Variants in PCDH11X observed in about 807,000 individuals in gnomAD.
PCDH11X encodes the protein protocadherin-11 X-linked.
Under a neutral mutation model 53.3 loss-of-function variants are expected in PCDH11X, and 18 were observed. The observed-to-expected ratio is 0.34, with a 90% confidence interval of 0.23 to 0.50. PCDH11X has a LOEUF of 0.50. PCDH11X is among the 20% of genes least tolerant of loss of function. The probability of loss-of-function intolerance (pLI) is 0.98; values close to 1 mark genes in which losing one functional copy is unlikely to be tolerated. For synonymous variants in PCDH11X, 279 were observed against 393.3 expected (o/e 0.71, Z 3.44); for missense variants, 570 against 1,032.4 (o/e 0.55, Z 6.14).
At chrX:92,581,443 T>C (rs1339629825) in intron 10 of PCDH11X, among the ~76,000 whole-genome samples, 1 of 111,626 alleles carries the variant, frequency 9.0e-6, no homozygotes, top group African/African-American at 3.3e-5. Flanking sequence ...CGAGATCTGA[T>C]GGTTTTATAA....
At chrX:92,054,396 A>C (rs1010032070) in intron 6 of PCDH11X, among the ~76,000 whole-genome samples, 1 of 111,874 alleles carries the variant, frequency 8.9e-6, no homozygotes, top group Admixed American at 9.6e-5. Flanking sequence ...CCAACAAGAT[A>C]TTTTATGTGA....
At chrX:92,103,315 G>C (rs1602928429) in intron 6 of PCDH11X, among the ~76,000 whole-genome samples, 1 of 111,006 alleles carries the variant, frequency 9.0e-6, no homozygotes, top group East Asian at 2.9e-4. Flanking sequence ...AAGAGGTTTA[G>C]AAGCCTGGCT....
At chrX:92,519,021 G>A (rs1461875787) in intron 10 of PCDH11X, among the ~76,000 whole-genome samples, 1 of 109,479 alleles carries the variant, frequency 9.1e-6, no homozygotes, top group African/African-American at 3.3e-5. Context: ...CCTCCCAAAG[G>A]GCTGGAAAAA....
intron 6 of PCDH11X, among the ~76,000 whole-genome samples, chrX:92,009,700 C>CTTTTTTTTTTTTTTTTTT (rs68159170): frequency 3.0e-5 from 2 of 66,642 alleles, no homozygotes; most frequent in African/African-American, 1.1e-4. Flanking sequence ...TGACTGTTGC[C>CTTTTTTTTTTTTTTTTTT]TTTTTTTTTT....
At chrX:91,843,261 TTATGTG>T (rs1937554563) in intron 5 of PCDH11X, among the ~76,000 whole-genome samples, 1 of 57,412 alleles carries the variant, frequency 1.7e-5, no homozygotes, top group Non-Finnish European at 3.2e-5. Flanking sequence ...ACATACATAC[TTATGTG>T]TGTGTGTGTG....
In PCDH11X at chrX:92,254,897, G is replaced by A. The variant is rs1356011361; in HGVS notation, c.3115-8217G>A. 1.9e-4 allele frequency among the ~76,000 whole-genome samples: 20 copies of A among 103,690 alleles called. No homozygotes were observed. In the East Asian group the frequency reaches 5.1e-3, roughly 26 times the overall value. The allele number at this position is 103,690 out of a possible 115,157, so 90.0% of individuals were successfully genotyped here. On this transcript the variant is annotated intron_variant, in intron 7 of 10. Transcript: ENST00000682573. ...CATTTTTTCCTTCATTTCAACTTTG[G>A]TGAATCTGACAATTATGTGTCTTGG...
At chrX:92,246,835 G>C (rs781447292) in intron 7 of PCDH11X, among the ~76,000 whole-genome samples, 1 of 111,868 alleles carries the variant, frequency 8.9e-6, no homozygotes, top group South Asian at 3.7e-4. Context: ...CTTAAAAATA[G>C]TTGATGTCAA....
At chrX:92,577,413 A>G (rs755829589) in intron 10 of PCDH11X, among the ~76,000 whole-genome samples, 2 of 109,781 alleles carry the variant, frequency 1.8e-5, no homozygotes, top group East Asian at 5.7e-4. Context: ...ATTTCTGAAT[A>G]TGTTCATTTG....
At chrX:92,108,374 A>G (rs2064431515) in intron 6 of PCDH11X, among the ~76,000 whole-genome samples, 1 of 112,179 alleles carries the variant, frequency 8.9e-6, no homozygotes, top group African/African-American at 3.2e-5. Context: ...ACTGTACTTC[A>G]AATCAGCGTG....
chrX:92,275,174 G>A (rs1207695336), intron 8 of PCDH11X, among the ~76,000 whole-genome samples: 1 of 103,325 alleles, frequency 9.7e-6, no homozygotes, highest in Non-Finnish European at 2.0e-5. Flanking sequence ...CTGAGGGCTA[G>A]GCTAAAACAG....
chrX:92,611,201 A>AT (rs1927340325), intron 10 of PCDH11X, among the ~76,000 whole-genome samples: 1 of 109,664 alleles, frequency 9.1e-6, no homozygotes, highest in Admixed American at 9.8e-5. Flanking sequence ...TAGTATGGCC[A>AT]TTTTTATATT....
chrX:92,575,944 T>TATAC (rs1363794960), intron 10 of PCDH11X, among the ~76,000 whole-genome samples: 3 of 19,904 alleles, frequency 1.5e-4, no homozygotes, highest in Non-Finnish European at 2.5e-4. Flanking sequence ...TATATATATA[T>TATAC]ACACACACAC....
At chrX:92,218,479 C>G (rs2066774975) in intron 7 of PCDH11X, among the ~76,000 whole-genome samples, 1 of 110,926 alleles carries the variant, frequency 9.0e-6, no homozygotes, top group Admixed American at 9.6e-5. Context: ...TACATACACC[C>G]TCCCAAGACT....
At chrX:91,900,202 C>A (rs1180857987) in intron 6 of PCDH11X, among the ~76,000 whole-genome samples, 2 of 110,839 alleles carry the variant, frequency 1.8e-5, no homozygotes, top group Non-Finnish European at 3.8e-5. Flanking sequence ...CACTGTAACT[C>A]CCTTCTTAGC....
chrX:92,221,255 T>TA lies in PCDH11X; in HGVS notation c.3114+19800_3114+19801insA, dbSNP rs1437359275. Among the ~76,000 whole-genome samples, 22 of 36,130 alleles carry TA rather than the reference T, an allele frequency of 6.1e-4. 1 individual carries two copies. The South Asian group carries it at 9.6e-3, about 16-fold the overall frequency. 31.4% of individuals were successfully genotyped at this position (36,130 alleles called of 115,157 possible). On this transcript the variant is annotated intron_variant, in intron 7 of 10. Coordinates refer to ENST00000682573, the MANE Select transcript of PCDH11X (RefSeq NM_032968.5). ...AAATGAAAAATTGCTCATTTTTTTT[T>TA]TAAAAAAGAAAACATTGTATACAAC...
At chrX:92,453,727 G>T (rs1405087459) in intron 9 of PCDH11X, among the ~76,000 whole-genome samples, 1 of 110,867 alleles carries the variant, frequency 9.0e-6, no homozygotes, top group African/African-American at 3.3e-5. Flanking sequence ...GTATTTCTTT[G>T]ATTTGAAATA....
At chrX:92,085,591 C>A (rs1385829351) in intron 6 of PCDH11X, among the ~76,000 whole-genome samples, 2 of 104,807 alleles carry the variant, frequency 1.9e-5, no homozygotes, top group Non-Finnish European at 3.9e-5. Flanking sequence ...GCTTTTACAA[C>A]CCCCACCCTC....
chrX:92,433,030 T>A (rs972828559), intron 9 of PCDH11X, among the ~76,000 whole-genome samples: 24 of 110,530 alleles, frequency 2.2e-4, no homozygotes, highest in Admixed American at 1.9e-3. Flanking sequence ...TGTAGTTTAG[T>A]TTAACAAGGA....
rs1034860303 is a variant in PCDH11X at position 92,110,062 on chromosome X, A to C, written c.3034-91313A>C. Among the ~76,000 whole-genome samples, 3 of 112,348 alleles carry C rather than the reference A, an allele frequency of 2.7e-5. No homozygotes were observed. In the Admixed American group the frequency reaches 2.8e-4, roughly 11 times the overall value. ...TTTCTTTAAGTTACTTCATAATTGA[A>C]ATAGCTACTTTTATAGATTGATTAG... is the stretch of plus-strand genomic sequence containing the variant. On this transcript the variant is annotated intron_variant, in intron 6 of 10. Transcript: ENST00000682573.
Sources: allele counts gnomAD v4.1 joint callset (sites outside exome capture counted in the v4.1 genomes callset), GRCh38; gene constraint gnomAD v4.1.1; transcripts MANE v1.5; gene names NCBI Gene and HGNC (gene_info 2026-07-23, HGNC 2026-07-21).